The following MAML2 variants were observed in gnomAD, a reference collection of about 807,000 sequenced individuals.
The protein encoded by MAML2 is mastermind-like protein 2.
Under a neutral mutation model 96.1 loss-of-function variants are expected in MAML2, and 22 were observed. That is an observed-to-expected ratio of 0.23 (90% CI 0.16 to 0.33). MAML2 has a LOEUF of 0.33. Ranked by LOEUF, MAML2 falls within the 10% of genes least tolerant of loss-of-function variation. The pLI is 1.00. For missense variants in MAML2, 1,367 were observed against 1,392.4 expected (o/e 0.98, Z 0.29); for synonymous variants, 561 against 521.3 (o/e 1.08, Z -1.04).
At chr11:96,184,467 TAA>T (rs1861540519) in intron 1 of MAML2, among the ~76,000 whole-genome samples, 1 of 130,256 alleles carries the variant, frequency 7.7e-6, no homozygotes, top group African/African-American at 3.0e-5. Flanking sequence ...AATAAATAAA[TAA>T]ATAAATAAAA....
intron 2 of MAML2, among the ~76,000 whole-genome samples, chr11:96,051,099 A>G (rs1858982978): frequency 6.6e-6 from 1 of 152,160 alleles, no homozygotes; most frequent in Non-Finnish European, 1.5e-5. Context: ...TCTGGAAGAG[A>G]TCTGAAAACA....
chr11:95,992,020 TA>T (rs1203112804), intron 2 of MAML2, among the ~76,000 whole-genome samples: 5 of 152,162 alleles, frequency 3.3e-5, no homozygotes, highest in Admixed American at 6.5e-5. Flanking sequence ...AAAACTACCA[TA>T]AAAACATATG....
At chr11:96,277,020 G>T (rs752015720) in intron 1 of MAML2, among the ~76,000 whole-genome samples, 30 of 152,112 alleles carry the variant, frequency 2.0e-4, no homozygotes, top group Non-Finnish European at 4.4e-4. Flanking sequence ...CACAGAGCAG[G>T]ATTCATGCTC....
intron 1 of MAML2, among the ~76,000 whole-genome samples, chr11:96,094,101 C>T (rs1437032161): frequency 6.6e-6 from 1 of 152,028 alleles, no homozygotes; most frequent in Admixed American, 6.5e-5. Flanking sequence ...ACTTTTCTTC[C>T]TATAATTCCA....
intron 2 of MAML2, among the ~76,000 whole-genome samples, chr11:96,082,741 G>A (rs547374647): frequency 2.4e-4 from 37 of 152,304 alleles, no homozygotes; most frequent in Admixed American, 7.2e-4. Flanking sequence ...ACCATCTGGA[G>A]GGACAAGGTA....
intron 2 of MAML2, among the ~76,000 whole-genome samples, chr11:95,996,969 G>A (rs1476964421): frequency 2.0e-5 from 3 of 152,148 alleles, no homozygotes; most frequent in Non-Finnish European, 4.4e-5. Context: ...GTGTGTATGT[G>A]TGCATGCATG....
At chr11:96,269,593 C>A (rs1169506237) in intron 1 of MAML2, among the ~76,000 whole-genome samples, 1 of 144,442 alleles carries the variant, frequency 6.9e-6, no homozygotes, top group Non-Finnish European at 1.5e-5. Context: ...CTCACCGCAA[C>A]CTCTGCCTCC....
intron 2 of MAML2, among the ~76,000 whole-genome samples, chr11:96,019,438 T>C (rs1318881777): frequency 2.6e-5 from 4 of 151,888 alleles, no homozygotes; most frequent in African/African-American, 4.8e-5. Flanking sequence ...CAACATGGGG[T>C]CCTCTGGGTA....
intron 2 of MAML2, among the ~76,000 whole-genome samples, chr11:96,026,862 T>C (rs1159347425): frequency 3.5e-5 from 5 of 144,120 alleles, no homozygotes; most frequent in Non-Finnish European, 3.0e-5. Flanking sequence ...TGCATTTGTT[T>C]AGCATCCTGG....
At chr11:96,026,510 C>T (rs1178026548) in intron 2 of MAML2, among the ~76,000 whole-genome samples, 2 of 152,100 alleles carry the variant, frequency 1.3e-5, no homozygotes, top group African/African-American at 4.8e-5. Flanking sequence ...TAGATAAACC[C>T]AACCCTCCCT....
At chr11:96,159,614 C>T (rs1189620517) in intron 1 of MAML2, among the ~76,000 whole-genome samples, 1 of 151,806 alleles carries the variant, frequency 6.6e-6, no homozygotes, top group Admixed American at 6.6e-5. Flanking sequence ...TTAGTAGAGA[C>T]GGCGTTTCAC....
At chr11:96,150,351 A>G (rs1860899670) in intron 1 of MAML2, among the ~76,000 whole-genome samples, 1 of 152,226 alleles carries the variant, frequency 6.6e-6, no homozygotes, top group African/African-American at 2.4e-5. Context: ...AAGTGAGAGC[A>G]CATAGGAAGG....
chr11:95,982,831 T>C (rs755426835), intron 4 of MAML2, among the ~76,000 whole-genome samples: 3 of 152,160 alleles, frequency 2.0e-5, no homozygotes, highest in African/African-American at 7.2e-5. Flanking sequence ...AAAATTCCTA[T>C]GGCTGTATTT....
chr11:96,084,739 C>T (rs1029633765), intron 2 of MAML2, among the ~76,000 whole-genome samples: 4 of 152,194 alleles, frequency 2.6e-5, no homozygotes, highest in African/African-American at 9.7e-5. Flanking sequence ...ACAGTAGAGA[C>T]GTGAGCCAAA....
intron 1 of MAML2, among the ~76,000 whole-genome samples, chr11:96,328,622 G>A (rs1367327193): frequency 3.3e-5 from 5 of 152,186 alleles, no homozygotes; most frequent in African/African-American, 9.7e-5. Context: ...GATAGGGAGG[G>A]AGAGAGGGGA....
At chr11:96,200,757 A>C (rs1432628113) in intron 1 of MAML2, among the ~76,000 whole-genome samples, 5 of 152,130 alleles carry the variant, frequency 3.3e-5, no homozygotes, top group Non-Finnish European at 7.3e-5. Flanking sequence ...GGGTGGAGAA[A>C]TGTTGAAATA....
chr11:96,174,139 C>T (rs1047671874), intron 1 of MAML2, among the ~76,000 whole-genome samples: 16 of 152,186 alleles, frequency 1.1e-4, no homozygotes, highest in Non-Finnish European at 1.8e-4. Context: ...GTCAAATTCG[C>T]CTCTCCTTTC....
intron 2 of MAML2, among the ~76,000 whole-genome samples, chr11:96,075,700 G>C (rs1300406121): frequency 6.6e-6 from 1 of 152,176 alleles, no homozygotes; most frequent in Non-Finnish European, 1.5e-5. Context: ...CTTCCCAAAG[G>C]AAGTGATGTT....
At chr11:96,169,193 C>A (rs940914270) in intron 1 of MAML2, among the ~76,000 whole-genome samples, 3 of 152,056 alleles carry the variant, frequency 2.0e-5, no homozygotes, top group African/African-American at 7.2e-5. Flanking sequence ...ATAGTTTACT[C>A]TGTATTAACC....
Sources: gnomAD v4.1 joint callset for allele counts (sites outside exome capture counted in the v4.1 genomes callset) on GRCh38, gnomAD v4.1.1 for gene constraint, MANE v1.5 for transcripts, NCBI Gene and HGNC (gene_info 2026-07-23, HGNC 2026-07-21) for gene names.